Variants in SLC25A31 observed in about 807,000 individuals in gnomAD.
SLC25A31 encodes solute carrier family 25 member 31.
In SLC25A31, 40 loss-of-function variants were observed where a neutral mutation model predicts 36.2. That is an observed-to-expected ratio of 1.10 (90% confidence interval 0.86 to 1.44). The LOEUF (loss-of-function observed/expected upper bound fraction) is 1.44. SLC25A31 is among the 40% of genes most tolerant of loss of function. The pLI is 0.00. For missense variants in SLC25A31, 350 were observed against 397.1 expected (o/e 0.88, Z 1.01); for synonymous variants, 143 against 149.7 (o/e 0.96, Z 0.32).
Position 127,755,816 on chromosome 4 carries a change from C to T in SLC25A31, c.361-8427C>T, listed in dbSNP as rs139767529. Among the ~76,000 whole-genome samples, 988 of 152,214 alleles carry T rather than the reference C, an allele frequency of 6.5e-3. 15 individuals carry two copies. Among genetic ancestry groups the T allele is most frequent in the African/African-American group, 0.022 (925 of 41,544 alleles). Reference sequence around the variant, plus strand: ...TGATAGGCCAAGGCGGGCGGATCACCTGAGGTCAGGAGTTCGAGACCAGCT... The same window carrying T: ...TGATAGGCCAAGGCGGGCGGATCACTTGAGGTCAGGAGTTCGAGACCAGCT... On this transcript the variant is annotated intron_variant, in intron 2 of 5. Coordinates refer to ENST00000281154, the MANE Select transcript of SLC25A31 (RefSeq NM_031291.4).
rs1446963788 is a variant in SLC25A31, at chr4:127,764,259, T to C, written c.377T>C (p.Leu126Ser). 3 of 1,613,966 alleles carry C rather than the reference T, an allele frequency of 1.9e-6. No homozygotes were observed. ...ATGTTTCAGTTCTGGAGGTGGTTTT[T>C]GGCAAACCTGGCTTCTGGTGGAGCT... is the stretch of plus-strand genomic sequence containing the variant. ...NKEKQFWRWF[L>S]ANLASGGAAG... Residue 126 changes from leucine to serine, a missense_variant, in exon 3 of 6, where the codon TTG becomes TCG. Physicochemically the swap from Leu to Ser is moderately radical, Grantham distance 145. Transcript: ENST00000281154.
intron 5 of SLC25A31, among the ~76,000 whole-genome samples, chr4:127,770,952 T>C (rs1225204647): frequency 2.8e-4 from 38 of 137,286 alleles, no homozygotes; most frequent in African/African-American, 1.0e-3. Flanking sequence ...TCTTCTTCTT[T>C]TTTTTTTTTT....
At chr4:127,754,767 G>C (rs1731998959) in intron 2 of SLC25A31, among the ~76,000 whole-genome samples, 1 of 152,098 alleles carries the variant, frequency 6.6e-6, no homozygotes, top group South Asian at 2.1e-4. Flanking sequence ...TACAGATGCA[G>C]TGCTGTTTCT....
rs530989438 is a variant in SLC25A31, at chr4:127,752,067, G to C, written c.360+7268G>C. 3.5e-4 allele frequency among the ~76,000 whole-genome samples: 53 copies of C among 152,312 alleles called. 1 individual carries two copies. Among genetic ancestry groups the C allele is most frequent in the Middle Eastern group, 3.4e-3 (1 of 294 alleles). The stretch of plus-strand genomic sequence containing the variant: ...CATTTGACCCAGCCATCCCATTACT[G>C]AGTATATACCCAAAGGATTATAAAT... On this transcript the variant is annotated intron_variant, in intron 2 of 5. Transcript: ENST00000281154.
chr4:127,747,940 A>G (rs1454102604), intron 2 of SLC25A31, among the ~76,000 whole-genome samples: 2 of 152,206 alleles, frequency 1.3e-5, no homozygotes, highest in Non-Finnish European at 2.9e-5. Flanking sequence ...ACCAGGTGCA[A>G]GTTTATAGTT....
chr4:127,742,682 C>T (rs1335978043), intron 1 of SLC25A31, among the ~76,000 whole-genome samples: 3 of 152,198 alleles, frequency 2.0e-5, no homozygotes, highest in African/African-American at 7.2e-5. Context: ...TCTCCTTCTT[C>T]TAACTTTGGA....
intron 4 of SLC25A31, 107 bp from the exon 5 acceptor site, chr4:127,768,645 G>A (rs923934950): frequency 8.1e-5 from 73 of 899,954 alleles, no homozygotes; most frequent in Middle Eastern, 7.4e-4. Flanking sequence ...TGCATTTTAA[G>A]TATAATTGGG....
intron 5 of SLC25A31, among the ~76,000 whole-genome samples, chr4:127,769,937 C>G (rs1166637358): frequency 6.6e-6 from 1 of 152,158 alleles, no homozygotes; most frequent in Non-Finnish European, 1.5e-5. Context: ...GGTCAGAAAA[C>G]TAGAATAGTA....
At chr4:127,767,960 T>A (rs575797701) in intron 4 of SLC25A31, among the ~76,000 whole-genome samples, 5 of 151,732 alleles carry the variant, frequency 3.3e-5, no homozygotes, top group Admixed American at 2.6e-4. Flanking sequence ...TTAAAATAAA[T>A]AATAAAAAAA....
chr4:127,735,145 A>C (rs1174050720), intron 1 of SLC25A31, among the ~76,000 whole-genome samples: 1 of 152,214 alleles, frequency 6.6e-6, no homozygotes, highest in Non-Finnish European at 1.5e-5. Flanking sequence ...TACTCCAAGA[A>C]ATGGCGTATT....
At chr4:127,760,764 G>T (rs763057460) in intron 2 of SLC25A31, among the ~76,000 whole-genome samples, 1 of 152,140 alleles carries the variant, frequency 6.6e-6, no homozygotes, top group Non-Finnish European at 1.5e-5. Context: ...AGTAGGCCAG[G>T]CATGGTGGCT....
chr4:127,758,027 A>G (rs1320093036), intron 2 of SLC25A31, among the ~76,000 whole-genome samples: 2 of 152,102 alleles, frequency 1.3e-5, no homozygotes, highest in South Asian at 2.1e-4. Context: ...GTGGCAAGAG[A>G]AAAATGAGGA....
chr4:127,770,207 CTTTTTAAAATGGAAAA>C (rs1732326464), intron 5 of SLC25A31, among the ~76,000 whole-genome samples: 1 of 152,170 alleles, frequency 6.6e-6, no homozygotes, highest in African/African-American at 2.4e-5. Context: ...CATTGAGAAA[CTTTTTAAAATGGAAAA>C]TTAATTTGCA....
Position 127,773,694 on chromosome 4 carries a change from G to A in SLC25A31, c.*120G>A, listed in dbSNP as rs574199185. 12 of 712,220 alleles carry A rather than the reference G, an allele frequency of 1.7e-5. No individual in the cohort carries two copies. In the South Asian group the frequency reaches 3.8e-4, roughly 22 times the overall value. 44.1% of individuals were successfully genotyped at this position (712,220 alleles called of 1,614,324 possible). On this transcript the variant is annotated 3_prime_UTR_variant, in exon 6 of 6. Transcript: ENST00000281154. Reference sequence around the variant, plus strand: ...TGTATTTTGTTAAAGTGCTAGTTCTGCAATAAAGCATACATTTTTTCAAGA... The same window carrying A: ...TGTATTTTGTTAAAGTGCTAGTTCTACAATAAAGCATACATTTTTTCAAGA...
intron 5 of SLC25A31, 61 bp downstream of exon 5, chr4:127,768,938 T>A: frequency 6.9e-7 from 1 of 1,444,260 alleles, no homozygotes; most frequent in Non-Finnish European, 9.2e-7. Context: ...TATTTAGGTA[T>A]AATCAAATTT....
At chr4:127,734,174 A>G (rs1430099370) in intron 1 of SLC25A31, among the ~76,000 whole-genome samples, 2 of 152,192 alleles carry the variant, frequency 1.3e-5, no homozygotes, top group African/African-American at 2.4e-5. Flanking sequence ...CACAATTAAC[A>G]TTTTGGTTTT....
intron 2 of SLC25A31, among the ~76,000 whole-genome samples, chr4:127,761,989 G>A (rs1460298400): frequency 1.3e-5 from 2 of 152,138 alleles, no homozygotes; most frequent in African/African-American, 4.8e-5. Flanking sequence ...TGTATGATGA[G>A]ACATGCTGCT....
At chr4:127,755,878 C>G (rs1190309513) in intron 2 of SLC25A31, among the ~76,000 whole-genome samples, 1 of 152,082 alleles carries the variant, frequency 6.6e-6, no homozygotes, top group Non-Finnish European at 1.5e-5. Context: ...ACTAAAAATA[C>G]AAAAATTAGC....
chr4:127,766,370 C>G (rs1010437630), intron 3 of SLC25A31, among the ~76,000 whole-genome samples: 5 of 151,736 alleles, frequency 3.3e-5, no homozygotes, highest in African/African-American at 1.2e-4. Flanking sequence ...GTTTCACTAT[C>G]TTGCCCAGGC....
Sources: allele counts gnomAD v4.1 joint callset (sites outside exome capture counted in the v4.1 genomes callset), GRCh38; gene constraint gnomAD v4.1.1; transcripts MANE v1.5; gene names NCBI Gene and HGNC (gene_info 2026-07-23, HGNC 2026-07-21).